LRRC17: variants seen among roughly 807,000 people sequenced by gnomAD.
The protein encoded by LRRC17 is leucine rich repeat containing 17.
In LRRC17, 33 loss-of-function variants were observed where a neutral mutation model predicts 41.5. The ratio of observed to expected loss-of-function variants is 0.80; its 90% CI spans 0.60 to 1.06. The LOEUF (loss-of-function observed/expected upper bound fraction) is 1.06, where lower values mean the gene tolerates loss of function less well. Among genes scored for constraint, LRRC17 ranks in the 50% least tolerant of loss-of-function variants. The probability of loss-of-function intolerance (pLI) is 0.00; values close to 1 mark genes in which losing one functional copy is unlikely to be tolerated. For missense variants in LRRC17, 491 were observed against 519.3 expected, an observed-to-expected ratio of 0.95 and a Z score of 0.53; for synonymous variants, 192 against 197.0, an observed-to-expected ratio of 0.97 and a Z score of 0.21.
chr7:102,940,217 G>GTT (rs200641926), intron 3 of LRRC17, among the ~76,000 whole-genome samples: 1 of 117,594 alleles, frequency 8.5e-6, no homozygotes, highest in African/African-American at 3.2e-5. Context: ...TTTTTTGTTT[G>GTT]TTTTTTTTTT....
Position 102,939,566 on chromosome 7 carries a change from C to T in LRRC17, c.909C>T (p.Gly303=), listed in dbSNP as rs1340888024. The T allele has an allele frequency of 5.0e-6, 8 of 1,613,546 alleles. No homozygotes were observed. The highest frequency in any genetic ancestry group is 6.8e-6 in the Non-Finnish European group (8 of 1,179,780). ...ELKKLNLSSN[G]IEFIDPAAFL... ...AGAAATTAAACCTCAGCAGCAATGG[C>T]ATTGAATTCATCGATCCTGGTAAGT... is the stretch of plus-strand genomic sequence containing the variant. The change falls in exon 3 of 4, where the codon GGC becomes GGT. Residue 303 remains glycine, a synonymous_variant. Transcript: ENST00000339431.
intron 1 of LRRC17, among the ~76,000 whole-genome samples, chr7:102,922,816 C>CA (rs936284864): frequency 0.017 from 2,428 of 143,208 alleles, 51 homozygotes; most frequent in African/African-American, 0.053. Context: ...ACTAAAAATA[C>CA]AAAAAAAAAA....
chr7:102,914,831 T>C (rs1269777399), intron 1 of LRRC17, among the ~76,000 whole-genome samples: 1 of 152,184 alleles, frequency 6.6e-6, no homozygotes, highest in Non-Finnish European at 1.5e-5. Context: ...GACTGAGCTG[T>C]GCTAAAGTTT....
In LRRC17 at chr7:102,933,960, C is replaced by A; in HGVS notation, c.47C>A (p.Ala16Asp). The part of the protein sequence containing the change: ...IVILLCFCKA[A>D]ELRKASPGSV... Reference sequence around the variant, plus strand: ...ATCTTGCTCTGCTTTTGCAAAGCGGCTGAGCTGCGCAAAGCAAGCCCAGGC... The same window carrying A: ...ATCTTGCTCTGCTTTTGCAAAGCGGATGAGCTGCGCAAAGCAAGCCCAGGC... The change falls in exon 2 of 4, where the codon GCT (alanine) becomes GAT (aspartate). Residue 16 changes from alanine to aspartate, a missense_variant. Transcript: ENST00000339431. 2 of 1,613,524 alleles carry A rather than the reference C, an allele frequency of 1.2e-6. No individual in the cohort carries two copies. The highest frequency in any genetic ancestry group is 2.2e-5 in the South Asian group (2 of 91,016).
At chr7:102,936,120 A>G (rs976931440) in intron 2 of LRRC17, 4 of 151,810 alleles carry the variant, frequency 2.6e-5, no homozygotes, top group Admixed American at 2.0e-4. Context: ...TTGCTTACCA[A>G]GACACCCTGT....
intron 1 of LRRC17, chr7:102,926,449 T>C: frequency 8.9e-7 from 1 of 1,128,438 alleles, no homozygotes; most frequent in Non-Finnish European, 1.3e-6. Context: ...CTTTCTATTA[T>C]CCCTCTTCCT....
chr7:102,944,063 G>T (rs1585067280), intron 3 of LRRC17, 147 bp from the exon 4 acceptor site: 1 of 631,452 alleles, frequency 1.6e-6, no homozygotes, highest in East Asian at 2.9e-5. Context: ...TAAAGTAAAA[G>T]CTCTGAGAAA....
chr7:102,931,200 A>G (rs1324332386), intron 1 of LRRC17, among the ~76,000 whole-genome samples: 1 of 152,238 alleles, frequency 6.6e-6, no homozygotes, highest in Non-Finnish European at 1.5e-5. Context: ...AGCAACTTGG[A>G]GCATGCAGGA....
intron 1 of LRRC17, chr7:102,932,023 T>A (rs1819278267): frequency 8.4e-6 from 10 of 1,190,724 alleles, no homozygotes; most frequent in Non-Finnish European, 1.2e-5. Flanking sequence ...AATGTATTCA[T>A]TAGAAAACAA....
At chr7:102,924,373 GA>G (rs759216853) in intron 1 of LRRC17, among the ~76,000 whole-genome samples, 14 of 151,980 alleles carry the variant, frequency 9.2e-5, no homozygotes, top group Admixed American at 6.6e-5. Flanking sequence ...ATTAATTCTA[GA>G]TTGATTATAT....
chr7:102,941,548 T>C (rs1471051110), intron 3 of LRRC17, among the ~76,000 whole-genome samples: 2 of 151,942 alleles, frequency 1.3e-5, no homozygotes, highest in African/African-American at 2.4e-5. Context: ...TCCATTGCAA[T>C]TCCCCTGTCT....
At chr7:102,943,577 A>G (rs1821889533) in intron 3 of LRRC17, among the ~76,000 whole-genome samples, 2 of 152,160 alleles carry the variant, frequency 1.3e-5, no homozygotes, top group Admixed American at 1.3e-4. Context: ...TTAAACCAGA[A>G]TGTGACGCAT....
At chr7:102,933,580 A>G (rs1197276511) in intron 1 of LRRC17, 194 bp from the exon 2 acceptor site, 3 of 176,948 alleles carry the variant, frequency 1.7e-5, no homozygotes, top group Non-Finnish European at 3.6e-5. Flanking sequence ...TTAAGCAGGT[A>G]AGAGAGCCTT....
intron 1 of LRRC17, among the ~76,000 whole-genome samples, chr7:102,924,179 G>T (rs1289603283): frequency 6.6e-6 from 1 of 151,304 alleles, no homozygotes. Context: ...CGAAGGTTGC[G>T]GTGAGCTGAG....
chr7:102,915,309 G>A (rs895593579), intron 1 of LRRC17, among the ~76,000 whole-genome samples: 4 of 151,576 alleles, frequency 2.6e-5, no homozygotes, highest in African/African-American at 9.7e-5. Flanking sequence ...AAATCGGCAG[G>A]GACATAGTAG....
At chr7:102,931,370 G>A (rs1819140459) in intron 1 of LRRC17, among the ~76,000 whole-genome samples, 1 of 151,972 alleles carries the variant, frequency 6.6e-6, no homozygotes, top group Admixed American at 6.6e-5. Flanking sequence ...GATGACGGCA[G>A]TGTGTGTAGC....
At chr7:102,924,036 T>C (rs1177816150) in intron 1 of LRRC17, among the ~76,000 whole-genome samples, 1 of 151,912 alleles carries the variant, frequency 6.6e-6, no homozygotes, top group Admixed American at 6.6e-5. Flanking sequence ...GGTCAGGAGT[T>C]TGAGGCCAGC....
chr7:102,931,900 G>C (rs1819244813), intron 1 of LRRC17: 2 of 1,613,618 alleles, frequency 1.2e-6, no homozygotes, highest in Non-Finnish European at 1.7e-6. Context: ...TGGGCAGTCA[G>C]AGACATTCAA....
At chr7:102,943,315 CT>C (rs1218100853) in intron 3 of LRRC17, among the ~76,000 whole-genome samples, 1 of 128,336 alleles carries the variant, frequency 7.8e-6, no homozygotes. Flanking sequence ...TTTGTAGCAT[CT>C]TTTTTTCCCA....
Sources: allele counts gnomAD v4.1 joint callset (sites outside exome capture counted in the v4.1 genomes callset), GRCh38; gene constraint gnomAD v4.1.1; transcripts MANE v1.5; gene names NCBI Gene and HGNC (gene_info 2026-07-23, HGNC 2026-07-21).